Variants in POLN observed in about 807,000 individuals in gnomAD.
POLN encodes the protein DNA polymerase N.
In POLN, 108 loss-of-function variants were observed where a neutral mutation model predicts 113.5. The ratio of observed to expected loss-of-function variants is 0.95; its 90% confidence interval spans 0.81 to 1.12. The LOEUF is 1.12. POLN is among the 50% of genes most tolerant of loss of function. POLN has a pLI of 0.00. For missense variants in POLN, 1,097 were observed against 1,077.1 expected (o/e 1.02, Z -0.26); for synonymous variants, 386 against 391.5 (o/e 0.99, Z 0.17).
intron 3 of POLN, among the ~76,000 whole-genome samples, chr4:2,226,003 T>G (rs538996829): frequency 4.0e-5 from 6 of 150,776 alleles, no homozygotes; most frequent in Non-Finnish European, 7.4e-5. Flanking sequence ...AAAAAAAAAG[T>G]AAGTTTATCT....
At chr4:2,118,752 T>A (rs1360307353) in intron 19 of POLN, among the ~76,000 whole-genome samples, 2 of 152,250 alleles carry the variant, frequency 1.3e-5, no homozygotes, top group Non-Finnish European at 2.9e-5. Flanking sequence ...TATGCTACCA[T>A]GAGAAGTCAC....
At chr4:2,090,982 G>A (rs1730649679) in intron 20 of POLN, among the ~76,000 whole-genome samples, 1 of 152,170 alleles carries the variant, frequency 6.6e-6, no homozygotes, top group South Asian at 2.1e-4. Context: ...CAAGCTAGTA[G>A]GATTGTATGT....
rs1259953402 is a variant in POLN at position 2,195,645 on chromosome 4, G to A, written c.909-2329C>T. Among the ~76,000 whole-genome samples, 16 of 152,022 alleles carry A rather than the reference G, an allele frequency of 1.1e-4. No individual in the cohort carries two copies. The South Asian group carries it at 1.5e-3, about 14-fold the overall frequency. ...ACTATAGGCACATGCCACTGTACCC[G>A]GGTAATTTTTAAATTTTTTGTAGAG... On this transcript the variant is annotated intron_variant, in intron 6 of 25. Coordinates refer to ENST00000511885, the MANE Select transcript of POLN (RefSeq NM_181808.4).
At chr4:2,097,886 T>C (rs964769635) in intron 19 of POLN, among the ~76,000 whole-genome samples, 24 of 152,234 alleles carry the variant, frequency 1.6e-4, no homozygotes, top group African/African-American at 5.8e-4. Context: ...TGAAGTTGGT[T>C]GAGACAGTTT....
At chr4:2,078,267 C>T (rs901719634) in intron 23 of POLN, among the ~76,000 whole-genome samples, 4 of 152,184 alleles carry the variant, frequency 2.6e-5, no homozygotes, top group South Asian at 2.1e-4. Context: ...ACAGGACAGC[C>T]GAGCCATGGC....
At chr4:2,227,846 A>C (rs1734438176) in intron 3 of POLN, 2 of 152,282 alleles carry the variant, frequency 1.3e-5, no homozygotes, top group Non-Finnish European at 1.5e-5. Flanking sequence ...TTTGAAGGGG[A>C]GTATATTTCC....
chr4:2,227,456 CAAT>C (rs1254821371), intron 3 of POLN: 2 of 152,110 alleles, frequency 1.3e-5, no homozygotes, highest in Non-Finnish European at 2.9e-5. Flanking sequence ...AACTGTACAA[CAAT>C]AATTGTGTTT....
At chr4:2,099,675 A>G in intron 19 of POLN, among the ~76,000 whole-genome samples, 1 of 152,136 alleles carries the variant, frequency 6.6e-6, no homozygotes. Context: ...TCATGTGTGG[A>G]CTTTAGTTTA....
At chr4:2,117,705 G>A (rs577532443) in intron 19 of POLN, among the ~76,000 whole-genome samples, 7 of 152,324 alleles carry the variant, frequency 4.6e-5, no homozygotes, top group Non-Finnish European at 8.8e-5. Flanking sequence ...TGTTGAGGGA[G>A]GTCTTCTCTA....
chr4:2,146,201 G>T lies in POLN; in HGVS notation c.1731+10587C>A, dbSNP rs114967369. Among the ~76,000 whole-genome samples the T allele has an allele frequency of 7.9e-3, 1,198 of 152,252 alleles. 18 individuals carry two copies. Among genetic ancestry groups the T allele is most frequent in the African/African-American group, 0.027 (1,141 of 41,554 alleles). On this transcript the variant is annotated intron_variant, in intron 16 of 25. Transcript: ENST00000511885. ...GAACACACTTGGGAAAGGATTAACAGGGGCTTTAAATGTTGTCAAGTAGGC... is the reference window on the plus strand; with the variant it reads ...GAACACACTTGGGAAAGGATTAACATGGGCTTTAAATGTTGTCAAGTAGGC...
Position 2,072,099 on chromosome 4 carries a change from C to T in POLN, c.*15G>A, listed in dbSNP as rs1730157264. ...CTGCTGGAAACCAGTTCTCTCCTCC[C>T]ACTGTTGCCTGGGGCTACAGACAAA... On this transcript the variant is annotated 3_prime_UTR_variant, in exon 26 of 26. Transcript: ENST00000511885. 2 of 1,612,226 alleles carry T rather than the reference C, an allele frequency of 1.2e-6. No individual in the cohort carries two copies. The highest frequency in any genetic ancestry group is 8.5e-7 in the Non-Finnish European group (1 of 1,179,360).
intron 16 of POLN, among the ~76,000 whole-genome samples, chr4:2,135,377 T>A (rs35574323): frequency 0.037 from 5,701 of 152,290 alleles, 150 homozygotes; most frequent in Middle Eastern, 0.068. Context: ...AAGCTTTTCA[T>A]GGCCAATGCT....
At chr4:2,193,928 A>G (rs1039650244) in intron 6 of POLN, among the ~76,000 whole-genome samples, 4 of 152,196 alleles carry the variant, frequency 2.6e-5, no homozygotes, top group African/African-American at 9.7e-5. Flanking sequence ...CACTTGCTGT[A>G]TTATAATGTG....
intron 21 of POLN, 83 bp from the exon 22 acceptor site, chr4:2,081,826 C>T (rs1046451192): frequency 8.5e-7 from 1 of 1,174,048 alleles, no homozygotes. Context: ...GGTCCAGAGG[C>T]CACAGAGGGA....
intron 5 of POLN, among the ~76,000 whole-genome samples, chr4:2,202,723 CA>C (rs34712930): frequency 0.092 from 3,397 of 36,860 alleles, 18 homozygotes; most frequent in Non-Finnish European, 0.11. Context: ...GACTCTGTCT[CA>C]AAAAAAAAAA....
Position 2,189,893 on chromosome 4 carries a change from C to T in POLN, c.1021+3311G>A, listed in dbSNP as rs531198822. 4.0e-5 allele frequency among the ~76,000 whole-genome samples: 6 copies of T among 151,720 alleles called. No individual in the cohort carries two copies. The East Asian group carries it at 9.7e-4, about 25-fold the overall frequency. Reference sequence around the variant, plus strand: ...AAAATACAAAAATTAGGTGTGGTGGCGAGTGCCTATAGTCCCAGCTACTTC... The same window carrying T: ...AAAATACAAAAATTAGGTGTGGTGGTGAGTGCCTATAGTCCCAGCTACTTC... On this transcript the variant is annotated intron_variant, in intron 7 of 25. Transcript: ENST00000511885.
intron 16 of POLN, 79 bp downstream of exon 16, chr4:2,156,709 C>A (rs1166143514): frequency 3.5e-6 from 4 of 1,142,982 alleles, no homozygotes; most frequent in African/African-American, 3.1e-5. Flanking sequence ...AGTGCACAGG[C>A]AAACACATAT....
chr4:2,187,419 T>G (rs1733307512), intron 7 of POLN, among the ~76,000 whole-genome samples: 1 of 152,084 alleles, frequency 6.6e-6, no homozygotes, highest in South Asian at 2.1e-4. Context: ...CACTTTTGAA[T>G]TTTTAGTAGA....
At chr4:2,225,692 TATA>T (rs1560100059) in intron 3 of POLN, among the ~76,000 whole-genome samples, 2 of 151,826 alleles carry the variant, frequency 1.3e-5, no homozygotes, top group Non-Finnish European at 2.9e-5. Flanking sequence ...GGAAAAAATT[TATA>T]ATACTAAAAA....
Sources: gnomAD v4.1 joint callset for allele counts (sites outside exome capture counted in the v4.1 genomes callset) on GRCh38, gnomAD v4.1.1 for gene constraint, MANE v1.5 for transcripts, NCBI Gene and HGNC (gene_info 2026-07-23, HGNC 2026-07-21) for gene names.